The following SLC2A12 variants were observed in gnomAD, a reference collection of about 807,000 sequenced individuals.
SLC2A12 encodes solute carrier family 2 member 12.
SLC2A12 carries 23 observed loss-of-function variants against 41.8 expected under a neutral mutation model. The observed-to-expected ratio is 0.55, with a 90% CI of 0.40 to 0.78. SLC2A12 has a LOEUF of 0.78. Ranked by LOEUF, SLC2A12 falls within the 30% of genes least tolerant of loss-of-function variation. The pLI is 0.00. For missense variants in SLC2A12, 654 were observed against 745.6 expected, an observed-to-expected ratio of 0.88 and a Z score of 1.43; for synonymous variants, 295 against 285.9, an observed-to-expected ratio of 1.03 and a Z score of -0.32.
At chr6:134,026,306 C>T (rs1777111537) in intron 2 of SLC2A12, among the ~76,000 whole-genome samples, 1 of 152,142 alleles carries the variant, frequency 6.6e-6, no homozygotes, top group Non-Finnish European at 1.5e-5. Context: ...CAGTAACTAC[C>T]ACCTGAAGTT....
At chr6:134,042,740 G>C (rs950235207) in intron 1 of SLC2A12, among the ~76,000 whole-genome samples, 6 of 152,026 alleles carry the variant, frequency 3.9e-5, no homozygotes, top group African/African-American at 1.2e-4. Context: ...AGAAGTGGGA[G>C]GACTGCTTGA....
Position 134,031,816 on chromosome 6 carries a change from T to C in SLC2A12, c.104-2095A>G, listed in dbSNP as rs924277784. Among the ~76,000 whole-genome samples, 9 of 152,160 alleles carry C rather than the reference T, an allele frequency of 5.9e-5. No individual in the cohort carries two copies. The South Asian group carries it at 1.9e-3, about 31-fold the overall frequency. ...AAGATAGGTCAAGCCTGGACATATGTATTTGGAAGCCAGCAGCACACATTT... is the reference window on the plus strand; with the variant it reads ...AAGATAGGTCAAGCCTGGACATATGCATTTGGAAGCCAGCAGCACACATTT... On this transcript the variant is annotated intron_variant, in intron 1 of 4. Coordinates refer to ENST00000275230, the MANE Select transcript of SLC2A12 (RefSeq NM_145176.3).
chr6:133,991,130 C>A lies in SLC2A12; in HGVS notation c.*25G>T, dbSNP rs767328463. 1.9e-6 allele frequency: 3 copies of A among 1,600,034 alleles called. No homozygotes were observed. The highest frequency in any genetic ancestry group is 2.6e-6 in the Non-Finnish European group (3 of 1,175,466). ...ACCCTCCTAAGTGTTCTGGCACTAT[C>A]CACGTTCAGAAGGTGTTGAGGCCAT... On this transcript the variant is annotated 3_prime_UTR_variant, in exon 5 of 5. Coordinates refer to ENST00000275230, the MANE Select transcript of SLC2A12 (RefSeq NM_145176.3).
intron 1 of SLC2A12, among the ~76,000 whole-genome samples, chr6:134,048,045 G>C (rs926888352): frequency 1.3e-5 from 2 of 152,220 alleles, no homozygotes; most frequent in African/African-American, 4.8e-5. Context: ...ATAGCACCCA[G>C]AGTTTGCAGA....
rs973595713 is a variant in SLC2A12, at chr6:134,015,290, C to G, written c.1445-8356G>C. Among the ~76,000 whole-genome samples the G allele has an allele frequency of 3.9e-5, 6 of 152,196 alleles. No homozygotes were observed. In the South Asian group the frequency reaches 1.2e-3, roughly 32 times the overall value. ...GAAGCATGTGGGGGATGGGGACCAA[C>G]ACACACACTGGGGCCTATCGAAGGA... On this transcript the variant is annotated intron_variant, in intron 2 of 4. Transcript: ENST00000275230.
intron 1 of SLC2A12, among the ~76,000 whole-genome samples, chr6:134,042,010 T>C (rs1317483503): frequency 6.6e-6 from 1 of 152,118 alleles, no homozygotes; most frequent in Non-Finnish European, 1.5e-5. Context: ...GTTGAAAAAA[T>C]AGTAAAAGAT....
At chr6:134,050,711 C>T (rs549701675) in intron 1 of SLC2A12, among the ~76,000 whole-genome samples, 1 of 152,156 alleles carries the variant, frequency 6.6e-6, no homozygotes, top group South Asian at 2.1e-4. Flanking sequence ...ACATCACCAC[C>T]TCAGCTTGCT....
intron 1 of SLC2A12, among the ~76,000 whole-genome samples, chr6:134,037,527 G>T (rs1479198375): frequency 2.0e-5 from 3 of 151,926 alleles, no homozygotes; most frequent in African/African-American, 7.3e-5. Context: ...GGTAATTTTT[G>T]TATTTTTAGT....
At chr6:134,030,926 C>G (rs1047098657) in intron 1 of SLC2A12, among the ~76,000 whole-genome samples, 1 of 152,184 alleles carries the variant, frequency 6.6e-6, no homozygotes, top group Non-Finnish European at 1.5e-5. Flanking sequence ...TCCACCTTCA[C>G]TGCTATGTAG....
chr6:134,011,479 C>T (rs1438720844), intron 2 of SLC2A12, among the ~76,000 whole-genome samples: 1 of 151,712 alleles, frequency 6.6e-6, no homozygotes, highest in Non-Finnish European at 1.5e-5. Flanking sequence ...AAAAATTAGC[C>T]AGGTGTGGTG....
intron 4 of SLC2A12, among the ~76,000 whole-genome samples, chr6:133,993,595 T>A (rs1039337208): frequency 1.3e-5 from 2 of 152,222 alleles, no homozygotes. Flanking sequence ...TCATGGAATT[T>A]AAATATAGCA....
intron 2 of SLC2A12, among the ~76,000 whole-genome samples, chr6:134,020,132 G>A (rs1158764489): frequency 3.3e-5 from 5 of 152,044 alleles, no homozygotes; most frequent in Non-Finnish European, 7.4e-5. Flanking sequence ...GGACCAGAAA[G>A]TAAAATGACG....
intron 2 of SLC2A12, among the ~76,000 whole-genome samples, chr6:134,016,008 G>C (rs1391745213): frequency 1.3e-5 from 2 of 152,146 alleles, no homozygotes; most frequent in African/African-American, 4.8e-5. Flanking sequence ...ATTCTAGTTT[G>C]TTGTTTCGAA....
chr6:134,031,800 C>T (rs1344641835), intron 1 of SLC2A12, among the ~76,000 whole-genome samples: 1 of 152,082 alleles, frequency 6.6e-6, no homozygotes, highest in Non-Finnish European at 1.5e-5. Flanking sequence ...AAAGATAGGT[C>T]AAGCCTGGAC....
rs1776585659 is a variant in SLC2A12, at chr6:133,989,286, G to A, written c.*1869C>T. On this transcript the variant is annotated 3_prime_UTR_variant, in exon 5 of 5. Transcript: ENST00000275230. ...AAATCAAGAAGCTTGATTTGGTGTGGTGCAATGGATATTGGATAAAAATTT... is the reference window on the plus strand; with the variant it reads ...AAATCAAGAAGCTTGATTTGGTGTGATGCAATGGATATTGGATAAAAATTT... 1 of 151,950 alleles carries A rather than the reference G, an allele frequency of 6.6e-6. No homozygotes were observed. The highest frequency in any genetic ancestry group is 6.6e-5 in the Admixed American group (1 of 15,246). The allele number at this position is 151,950 out of a possible 1,614,324, so 9.4% of individuals were successfully genotyped here.
intron 1 of SLC2A12, among the ~76,000 whole-genome samples, chr6:134,031,874 C>A (rs1292438932): frequency 6.6e-6 from 1 of 152,016 alleles, no homozygotes; most frequent in Admixed American, 6.6e-5. Flanking sequence ...GGTGAGATCA[C>A]TTAGGAAGAT....
chr6:134,024,351 C>T (rs1478527586), intron 2 of SLC2A12, among the ~76,000 whole-genome samples: 1 of 152,246 alleles, frequency 6.6e-6, no homozygotes, highest in East Asian at 1.9e-4. Flanking sequence ...CTTCAGAAGG[C>T]CACCACCAGA....
intron 4 of SLC2A12, among the ~76,000 whole-genome samples, chr6:133,999,515 CAG>C (rs1483710278): frequency 1.3e-5 from 2 of 152,152 alleles, no homozygotes; most frequent in Non-Finnish European, 2.9e-5. Context: ...ATGTAAACCT[CAG>C]AGAGACTTGC....
At chr6:133,993,825 T>A (rs9493790) in intron 4 of SLC2A12, among the ~76,000 whole-genome samples, 2 of 152,106 alleles carry the variant, frequency 1.3e-5, no homozygotes, top group East Asian at 3.9e-4. Flanking sequence ...TTGAGCATGC[T>A]TGATGTGTCT....
Sources: allele counts gnomAD v4.1 joint callset (sites outside exome capture counted in the v4.1 genomes callset), GRCh38; gene constraint gnomAD v4.1.1; transcripts MANE v1.5; gene names NCBI Gene and HGNC (gene_info 2026-07-23, HGNC 2026-07-21).